The following FOCAD variants were observed in gnomAD, a reference collection of about 807,000 sequenced individuals.
The protein encoded by FOCAD is KIAA1797.
FOCAD carries 198 observed loss-of-function variants against 225.6 expected under a neutral mutation model. That is an observed-to-expected ratio of 0.88 (90% confidence interval 0.78 to 0.99). FOCAD has a LOEUF of 0.99. FOCAD is among the 50% of genes least tolerant of loss of function. The pLI, the probability that FOCAD is intolerant of heterozygous loss-of-function variation, is 0.00. For synonymous variants in FOCAD, 897 were observed against 755.0 expected, an observed-to-expected ratio of 1.19 and a Z score of -3.08; for missense variants, 2,713 against 2,123.6, an observed-to-expected ratio of 1.28 and a Z score of -5.46.
chr9:20,771,758 ATAC>A (rs1818256957), intron 8 of FOCAD, among the ~76,000 whole-genome samples: 1 of 152,232 alleles, frequency 6.6e-6, no homozygotes, highest in African/African-American at 2.4e-5. Context: ...TTGTCTCAAA[ATAC>A]ATAAATAAAC....
At chr9:20,988,303 C>G (rs1442580723) in intron 40 of FOCAD, 29 bp from the exon 41 acceptor site, 3 of 1,376,272 alleles carry the variant, frequency 2.2e-6, no homozygotes, top group East Asian at 4.6e-5. Context: ...AAACCATGGT[C>G]TAGTAAGAAA....
chr9:20,797,102 G>GATTTATAAT (rs1821202226), intron 11 of FOCAD, among the ~76,000 whole-genome samples: 1 of 152,096 alleles, frequency 6.6e-6, no homozygotes, highest in Admixed American at 6.6e-5. Flanking sequence ...TTTTTTGTGA[G>GATTTATAAT]GTCTGTCAAA....
intron 15 of FOCAD, among the ~76,000 whole-genome samples, chr9:20,849,414 T>C (rs1238064904): frequency 6.6e-6 from 1 of 151,972 alleles, no homozygotes; most frequent in African/African-American, 2.4e-5. Context: ...ACTATTGTTA[T>C]ATTATAGATG....
chr9:20,963,685 T>C (rs1045335621), intron 35 of FOCAD, among the ~76,000 whole-genome samples: 3 of 152,216 alleles, frequency 2.0e-5, no homozygotes, highest in East Asian at 1.9e-4. Flanking sequence ...CTATGAATCA[T>C]GTGCTAAGAA....
At chr9:20,930,409 A>G (rs2132204059) in intron 27 of FOCAD, among the ~76,000 whole-genome samples, 1 of 152,332 alleles carries the variant, frequency 6.6e-6, no homozygotes, top group Non-Finnish European at 1.5e-5. Flanking sequence ...GTCAATGACT[A>G]GGCATTTAGC....
intron 15 of FOCAD, among the ~76,000 whole-genome samples, chr9:20,859,151 G>A (rs572617804): frequency 6.6e-6 from 1 of 152,038 alleles, no homozygotes; most frequent in African/African-American, 2.4e-5. Flanking sequence ...GACGTGGGTG[G>A]GTCACCTGAG....
At chr9:20,840,034 C>T (rs4977579) in intron 15 of FOCAD, among the ~76,000 whole-genome samples, 51,014 of 151,838 alleles carry the variant, frequency 0.34, 8,793 homozygotes, top group East Asian at 0.47. Flanking sequence ...TGTTTTTATG[C>T]CAGTAGCATG....
chr9:20,809,973 GT>G (rs1317845885), intron 11 of FOCAD, among the ~76,000 whole-genome samples: 3 of 152,132 alleles, frequency 2.0e-5, no homozygotes, highest in African/African-American at 4.8e-5. Flanking sequence ...AATGATCCTG[GT>G]TTGGGGGTCC....
intron 19 of FOCAD, among the ~76,000 whole-genome samples, chr9:20,879,788 C>G (rs962637473): frequency 1.5e-4 from 23 of 152,272 alleles, no homozygotes; most frequent in African/African-American, 5.5e-4. Flanking sequence ...GCATCTTATC[C>G]TCATTTAAAT....
At chr9:20,854,433 A>G (rs527659768) in intron 15 of FOCAD, among the ~76,000 whole-genome samples, 2 of 151,742 alleles carry the variant, frequency 1.3e-5, no homozygotes, top group South Asian at 2.1e-4. Flanking sequence ...TATTATTTCC[A>G]TTTTGCAGCT....
At chr9:20,772,719 G>A (rs533124831) in intron 8 of FOCAD, among the ~76,000 whole-genome samples, 2 of 152,162 alleles carry the variant, frequency 1.3e-5, no homozygotes, top group African/African-American at 4.8e-5. Flanking sequence ...TGAATGGCAG[G>A]TGAGGAAATG....
chr9:20,957,673 C>CTTTTTTTTTTT (rs775116988), intron 35 of FOCAD: 5 of 38,422 alleles, frequency 1.3e-4, no homozygotes, highest in African/African-American at 5.4e-4. Context: ...ATCTCTCTCT[C>CTTTTTTTTTTT]TTTTTTTTTT....
chr9:20,887,514 CA>C (rs1244514239), intron 21 of FOCAD, among the ~76,000 whole-genome samples: 2 of 152,188 alleles, frequency 1.3e-5, no homozygotes, highest in African/African-American at 4.8e-5. Context: ...GGATTACAGG[CA>C]TGAGCCACTG....
intron 6 of FOCAD, among the ~76,000 whole-genome samples, chr9:20,760,561 G>A (rs1829495830): frequency 1.3e-5 from 2 of 152,126 alleles, no homozygotes; most frequent in South Asian, 2.1e-4. Context: ...GTACTCTCTT[G>A]AATCTTACCC....
At chr9:20,807,301 CA>C (rs1822562612) in intron 11 of FOCAD, among the ~76,000 whole-genome samples, 1 of 152,096 alleles carries the variant, frequency 6.6e-6, no homozygotes, top group Admixed American at 6.5e-5. Flanking sequence ...CCAAGTGCAT[CA>C]AAAAAGAGAC....
chr9:20,858,623 T>A (rs1262965556), intron 15 of FOCAD, among the ~76,000 whole-genome samples: 2 of 152,136 alleles, frequency 1.3e-5, no homozygotes, highest in East Asian at 3.8e-4. Context: ...TTATTTCTTT[T>A]GTTCTACTAA....
At chr9:20,803,553 G>C (rs1034553109) in intron 11 of FOCAD, among the ~76,000 whole-genome samples, 1 of 152,102 alleles carries the variant, frequency 6.6e-6, no homozygotes, top group Non-Finnish European at 1.5e-5. Context: ...AGAACATAGG[G>C]AACATGGGCA....
At chr9:20,975,787 C>CAA (rs1473751561) in intron 35 of FOCAD, among the ~76,000 whole-genome samples, 2 of 151,734 alleles carry the variant, frequency 1.3e-5, no homozygotes, top group African/African-American at 4.8e-5. Context: ...AAACCAGCCA[C>CAA]AAAAAGATAA....
chr9:20,770,199 A>G lies in FOCAD; in HGVS notation c.867A>G (p.Ser289=). 6.2e-7 allele frequency: 1 copy of G among 1,614,070 alleles called. No homozygotes were observed. The highest frequency in any genetic ancestry group is 1.1e-5 in the South Asian group (1 of 91,078). Reference sequence around the variant, plus strand: ...AGATAACTGGTGAATGTTCATCTTCAATTCACCTTTTAGAGCACAGTGTTG... The same window carrying G: ...AGATAACTGGTGAATGTTCATCTTCGATTCACCTTTTAGAGCACAGTGTTG... ...SLKITGECSS[S]IHLLEHSVEL... is the part of the protein sequence containing the mutation. Residue 289 remains serine, a synonymous_variant, in exon 8 of 44, where the codon TCA becomes TCG. Transcript: ENST00000338382.
Sources: allele counts gnomAD v4.1 joint callset (sites outside exome capture counted in the v4.1 genomes callset), GRCh38; gene constraint gnomAD v4.1.1; transcripts MANE v1.5; gene names NCBI Gene and HGNC (gene_info 2026-07-23, HGNC 2026-07-21).